The following ARHGAP15 variants were observed in gnomAD, a reference collection of about 807,000 sequenced individuals.
The protein encoded by ARHGAP15 is rho GTPase-activating protein 15.
ARHGAP15 carries 51 observed loss-of-function variants against 63.7 expected under a neutral mutation model. That is an observed-to-expected ratio of 0.80 (90% confidence interval 0.64 to 1.01). The LOEUF (loss-of-function observed/expected upper bound fraction) is 1.01. Ranked by LOEUF, ARHGAP15 falls within the 50% of genes least tolerant of loss-of-function variation. The pLI is 0.00. For missense variants in ARHGAP15, 560 were observed against 564.6 expected (o/e 0.99, Z 0.08); for synonymous variants, 191 against 193.8 (o/e 0.99, Z 0.12).
intron 6 of ARHGAP15, among the ~76,000 whole-genome samples, chr2:143,374,501 G>C (rs1213392323): frequency 1.3e-5 from 2 of 151,852 alleles, no homozygotes; most frequent in African/African-American, 2.4e-5. Context: ...TGTTTTTTGG[G>C]GGGGTTTCTG....
At chr2:143,403,454 T>C (rs1036576232) in intron 6 of ARHGAP15, among the ~76,000 whole-genome samples, 15 of 151,850 alleles carry the variant, frequency 9.9e-5, no homozygotes, top group African/African-American at 1.7e-4. Flanking sequence ...AACTCAGAGA[T>C]AGATTAAGTA....
At chr2:143,469,589 G>A (rs1691416233) in intron 8 of ARHGAP15, among the ~76,000 whole-genome samples, 1 of 152,076 alleles carries the variant, frequency 6.6e-6, no homozygotes, top group Non-Finnish European at 1.5e-5. Context: ...CATCCAATAA[G>A]AATGTTACTA....
At chr2:143,563,930 ACAGTTTCTGTGGGT>A (rs1696123905) in intron 11 of ARHGAP15, 1 of 152,200 alleles carries the variant, frequency 6.6e-6, no homozygotes, top group African/African-American at 2.4e-5. Flanking sequence ...TTATTATCTC[ACAGTTTCTGTGGGT>A]CAGAAGTCTG....
chr2:143,487,630 C>T (rs1450646038), intron 9 of ARHGAP15, 135 bp downstream of exon 9: 1 of 1,023,012 alleles, frequency 9.8e-7, no homozygotes, highest in Non-Finnish European at 1.3e-6. Context: ...TACTCTGTAA[C>T]AGAGAAAAGA....
At chr2:143,601,690 C>G (rs1015013279) in intron 11 of ARHGAP15, 1 of 152,110 alleles carries the variant, frequency 6.6e-6, no homozygotes. Context: ...TTCCTAAAAG[C>G]CATATTTCAG....
At chr2:143,605,947 A>G (rs1697991045) in intron 11 of ARHGAP15, among the ~76,000 whole-genome samples, 1 of 143,660 alleles carries the variant, frequency 7.0e-6, no homozygotes. Flanking sequence ...GAGGCAGGAG[A>G]ATTGCTTGAA....
chr2:143,557,010 GATGTGGAGC>G, intron 11 of ARHGAP15, among the ~76,000 whole-genome samples: 1 of 152,282 alleles, frequency 6.6e-6, no homozygotes, highest in East Asian at 1.9e-4. Flanking sequence ...TGCTGGCCAA[GATGTGGAGC>G]AACAGGAACT....
At chr2:143,249,404 G>T (rs1045526442) in intron 5 of ARHGAP15, among the ~76,000 whole-genome samples, 3 of 151,980 alleles carry the variant, frequency 2.0e-5, no homozygotes, top group African/African-American at 7.2e-5. Flanking sequence ...AACAAACATG[G>T]ACAGAATATG....
rs553092245 is a variant in ARHGAP15, at chr2:143,474,665, G to A, written c.704-12708G>A. Among the ~76,000 whole-genome samples the A allele has an allele frequency of 2.1e-4, 32 of 152,264 alleles. No homozygotes were observed. In the South Asian group the frequency reaches 6.4e-3, roughly 31 times the overall value. On this transcript the variant is annotated intron_variant, in intron 8 of 13. Transcript: ENST00000295095. Reference sequence around the variant, plus strand: ...GGATTGAACCTTTATTTCTTACTACGTGGCCTTAACCAAATGATTTAAACA... The same window carrying A: ...GGATTGAACCTTTATTTCTTACTACATGGCCTTAACCAAATGATTTAAACA...
At chr2:143,380,088 T>A (rs1472918935) in intron 6 of ARHGAP15, among the ~76,000 whole-genome samples, 1 of 152,142 alleles carries the variant, frequency 6.6e-6, no homozygotes, top group Non-Finnish European at 1.5e-5. Flanking sequence ...AGATCTAATC[T>A]AATTGGAGAA....
chr2:143,195,533 A>T (rs1691858255), intron 2 of ARHGAP15, among the ~76,000 whole-genome samples: 1 of 152,178 alleles, frequency 6.6e-6, no homozygotes, highest in African/African-American at 2.4e-5. Context: ...TCCTGATTGT[A>T]ATAGCTTTAA....
chr2:143,419,784 G>C (rs1380994158), intron 6 of ARHGAP15, among the ~76,000 whole-genome samples: 3 of 151,888 alleles, frequency 2.0e-5, no homozygotes. Context: ...TACATTTCTG[G>C]TTTTGCATAT....
intron 11 of ARHGAP15, among the ~76,000 whole-genome samples, chr2:143,586,560 G>A (rs1012055275): frequency 1.6e-4 from 24 of 151,424 alleles, no homozygotes; most frequent in Non-Finnish European, 3.2e-4. Flanking sequence ...CTTCTACTTT[G>A]ACATTTATAG....
At chr2:143,263,608 T>C (rs139518132) in intron 6 of ARHGAP15, among the ~76,000 whole-genome samples, 9 of 152,310 alleles carry the variant, frequency 5.9e-5, no homozygotes, top group Non-Finnish European at 1.0e-4. Flanking sequence ...AACTGACCAG[T>C]CATCTGGTAC....
intron 6 of ARHGAP15, among the ~76,000 whole-genome samples, chr2:143,428,870 A>G (rs552134700): frequency 6.6e-6 from 1 of 152,288 alleles, no homozygotes; most frequent in South Asian, 2.1e-4. Context: ...AATTGAACAC[A>G]GTGAATATAG....
At chr2:143,207,654 T>G (rs1023937907) in intron 3 of ARHGAP15, among the ~76,000 whole-genome samples, 4 of 152,064 alleles carry the variant, frequency 2.6e-5, no homozygotes, top group African/African-American at 9.7e-5. Context: ...ACATTCAACT[T>G]TTATCCATCA....
intron 6 of ARHGAP15, among the ~76,000 whole-genome samples, chr2:143,421,565 A>G (rs1444697919): frequency 6.6e-6 from 1 of 151,962 alleles, no homozygotes; most frequent in Non-Finnish European, 1.5e-5. Flanking sequence ...CAAATTGCAA[A>G]TTCTGTGATC....
chr2:143,371,611 C>T (rs1686558256), intron 6 of ARHGAP15, among the ~76,000 whole-genome samples: 1 of 152,202 alleles, frequency 6.6e-6, no homozygotes, highest in African/African-American at 2.4e-5. Flanking sequence ...AATCCATACA[C>T]TGAGCTAAGT....
chr2:143,331,415 T>C (rs947087245), intron 6 of ARHGAP15, among the ~76,000 whole-genome samples: 3 of 152,180 alleles, frequency 2.0e-5, no homozygotes, highest in Non-Finnish European at 2.9e-5. Context: ...TGTTTATTTC[T>C]GTCTCCTTTA....
Sources: allele counts gnomAD v4.1 joint callset (sites outside exome capture counted in the v4.1 genomes callset), GRCh38; gene constraint gnomAD v4.1.1; transcripts MANE v1.5; gene names NCBI Gene and HGNC (gene_info 2026-07-23, HGNC 2026-07-21).